Variants in PARD3 observed in about 807,000 individuals in gnomAD.
PARD3 encodes the protein par-3 family cell polarity regulator, also known as partitioning defective 3 homolog.
PARD3 carries 75 observed loss-of-function variants against 155.4 expected under a neutral mutation model. The ratio of observed to expected loss-of-function variants is 0.48; its 90% confidence interval spans 0.40 to 0.58. PARD3 has a LOEUF of 0.58. PARD3 is among the 20% of genes least tolerant of loss of function. The pLI is 0.00. For synonymous variants in PARD3, 576 were observed against 610.5 expected, an observed-to-expected ratio of 0.94 and a Z score of 0.83; for missense variants, 1,642 against 1,721.7, an observed-to-expected ratio of 0.95 and a Z score of 0.82.
chr10:34,187,134 C>T (rs1343447219), intron 22 of PARD3, among the ~76,000 whole-genome samples: 2 of 152,104 alleles, frequency 1.3e-5, no homozygotes, highest in East Asian at 3.9e-4. Flanking sequence ...TTGGGGGTCC[C>T]AGGGGTACAT....
At chr10:34,810,691 T>A (rs1190947092) in intron 1 of PARD3, among the ~76,000 whole-genome samples, 1 of 152,228 alleles carries the variant, frequency 6.6e-6, no homozygotes, top group Non-Finnish European at 1.5e-5. Flanking sequence ...GTGGGACACC[T>A]GGGAAAGTTC....
At chr10:34,650,388 C>T (rs2092970475) in intron 2 of PARD3, among the ~76,000 whole-genome samples, 1 of 152,212 alleles carries the variant, frequency 6.6e-6, no homozygotes, top group Non-Finnish European at 1.5e-5. Context: ...TGGTCCATCA[C>T]TGACTGAAAT....
chr10:34,640,966 G>A (rs2132941661), intron 2 of PARD3, among the ~76,000 whole-genome samples: 1 of 152,178 alleles, frequency 6.6e-6, no homozygotes, highest in East Asian at 1.9e-4. Flanking sequence ...TTTAGCATGT[G>A]CTCATCAAGA....
intron 1 of PARD3, among the ~76,000 whole-genome samples, chr10:34,757,288 C>T (rs1836862777): frequency 6.6e-6 from 1 of 152,204 alleles, no homozygotes; most frequent in Non-Finnish European, 1.5e-5. Flanking sequence ...TTCTTATTCT[C>T]ATCTAACACA....
At chr10:34,433,678 A>C (rs191569048) in intron 5 of PARD3, among the ~76,000 whole-genome samples, 1 of 152,214 alleles carries the variant, frequency 6.6e-6, no homozygotes, top group African/African-American at 2.4e-5. Flanking sequence ...GAGATTCTTG[A>C]AAAGTTAATC....
At chr10:34,771,062 G>A (rs1366459496) in intron 1 of PARD3, among the ~76,000 whole-genome samples, 1 of 152,162 alleles carries the variant, frequency 6.6e-6, no homozygotes, top group Non-Finnish European at 1.5e-5. Flanking sequence ...AGAGGAAGGA[G>A]GGAAGGAAGA....
At chr10:34,111,621 A>G in intron 24 of PARD3, 59 bp from the exon 25 acceptor site, 3 of 1,406,078 alleles carry the variant, frequency 2.1e-6, no homozygotes, top group Non-Finnish European at 2.9e-6. Context: ...AGAGGGAGGA[A>G]AGGGGGCAGG....
chr10:34,493,808 T>G (rs1209316694), intron 3 of PARD3, among the ~76,000 whole-genome samples: 1 of 151,908 alleles, frequency 6.6e-6, no homozygotes, highest in Admixed American at 6.6e-5. Context: ...ACAAAGATAA[T>G]ACTCAAAAAT....
rs961421549 is a variant in PARD3, at chr10:34,419,511, C to T, written c.715-17594G>A. ...CAGCCTAGGTGACAGAGCAAGACTC[C>T]GTCTCAAAAAAAAAGAAAAGAAAAG... On this transcript the variant is annotated intron_variant, in intron 5 of 24. Transcript: ENST00000374788. Among the ~76,000 whole-genome samples the T allele has an allele frequency of 6.0e-5, 9 of 150,264 alleles. No individual in the cohort carries two copies. The South Asian group carries it at 6.3e-4, about 11-fold the overall frequency.
intron 3 of PARD3, among the ~76,000 whole-genome samples, chr10:34,479,186 G>A (rs2078904255): frequency 7.3e-6 from 1 of 136,738 alleles, no homozygotes; most frequent in African/African-American, 2.9e-5. Flanking sequence ...TTTTGAGACA[G>A]AGTCTCGCCC....
chr10:34,170,929 CA>C (rs763858178), intron 22 of PARD3, among the ~76,000 whole-genome samples: 2 of 152,178 alleles, frequency 1.3e-5, no homozygotes, highest in Non-Finnish European at 2.9e-5. Context: ...ACGCGGAATT[CA>C]AATGCTCTTT....
chr10:34,257,079 C>A (rs1095686), intron 22 of PARD3, among the ~76,000 whole-genome samples: 20,328 of 152,054 alleles, frequency 0.13, 3,535 homozygotes, highest in African/African-American at 0.41. Context: ...TGGAAGAAGA[C>A]ATGAAACAAC....
At chr10:34,528,527 GGTTTT>G (rs553436342) in intron 2 of PARD3, among the ~76,000 whole-genome samples, 90 of 152,156 alleles carry the variant, frequency 5.9e-4, no homozygotes, top group East Asian at 1.4e-3. Context: ...AGTAGTGATA[GGTTTT>G]GTTTTGTTTT....
At chr10:34,319,059 G>C (rs187387072) in intron 19 of PARD3, among the ~76,000 whole-genome samples, 3 of 147,660 alleles carry the variant, frequency 2.0e-5, no homozygotes, top group Non-Finnish European at 4.5e-5. Flanking sequence ...GATTACAGGA[G>C]TGAGCCACTG....
intron 3 of PARD3, among the ~76,000 whole-genome samples, chr10:34,497,857 T>C (rs1216377180): frequency 1.3e-5 from 2 of 152,102 alleles, no homozygotes; most frequent in Non-Finnish European, 2.9e-5. Context: ...TTTCCATCTT[T>C]AAAAAAGATG....
chr10:34,346,500 A>G (rs1320446731), intron 15 of PARD3: 5 of 1,336,366 alleles, frequency 3.7e-6, no homozygotes, highest in Non-Finnish European at 5.0e-6. Flanking sequence ...ACAAATATCT[A>G]GGGACACATG....
chr10:34,211,317 C>G (rs944009957), intron 22 of PARD3, among the ~76,000 whole-genome samples: 4 of 152,170 alleles, frequency 2.6e-5, no homozygotes, highest in Non-Finnish European at 4.4e-5. Context: ...CTTGCCTCTG[C>G]CAAGTCACCT....
chr10:34,797,341 C>A (rs1489908203), intron 1 of PARD3, among the ~76,000 whole-genome samples: 1 of 152,200 alleles, frequency 6.6e-6, no homozygotes, highest in Non-Finnish European at 1.5e-5. Context: ...TTTGTAGAGA[C>A]AGGGTCTCAC....
In PARD3 at chr10:34,445,557, C is replaced by T. The variant is rs140229412; in HGVS notation, c.714+4760G>A. ...AGACAACTAACTCAAATAACTTCAA[C>T]AGAAGCAAATCAAAGCTCGGTCTTT... On this transcript the variant is annotated intron_variant, in intron 5 of 24. Transcript: ENST00000374788. Among the ~76,000 whole-genome samples, 485 of 152,282 alleles carry T rather than the reference C, an allele frequency of 3.2e-3. 1 individual carries two copies. The highest frequency in any genetic ancestry group is 0.011 in the African/African-American group (447 of 41,568).
Sources: allele counts gnomAD v4.1 joint callset (sites outside exome capture counted in the v4.1 genomes callset), GRCh38; gene constraint gnomAD v4.1.1; transcripts MANE v1.5; gene names NCBI Gene and HGNC (gene_info 2026-07-23, HGNC 2026-07-21).